The following LRP1B variants were observed in gnomAD, a reference collection of about 807,000 sequenced individuals.
LRP1B encodes LDL receptor related protein 1B.
In LRP1B, 217 loss-of-function variants were observed where a neutral mutation model predicts 556.6. The ratio of observed to expected loss-of-function variants is 0.39; its 90% CI spans 0.35 to 0.44. LRP1B has a LOEUF of 0.44. LRP1B is among the 20% of genes least tolerant of loss of function. The pLI is 1.00. For synonymous variants in LRP1B, 2,047 were observed against 1,865.8 expected, an observed-to-expected ratio of 1.10 and a Z score of -2.50; for missense variants, 5,053 against 5,620.8, an observed-to-expected ratio of 0.90 and a Z score of 3.23.
intron 32 of LRP1B, among the ~76,000 whole-genome samples, chr2:140,804,025 T>G (rs1402550436): frequency 6.6e-6 from 1 of 151,844 alleles, no homozygotes; most frequent in Non-Finnish European, 1.5e-5. Context: ...AACTTGAAGT[T>G]TCAGCTGCTT....
chr2:141,458,535 C>T (rs1052116128), intron 3 of LRP1B, among the ~76,000 whole-genome samples: 5 of 152,122 alleles, frequency 3.3e-5, no homozygotes, highest in African/African-American at 9.7e-5. Context: ...TAAGTGAATA[C>T]GGTACCTATC....
chr2:141,007,313 G>T (rs1697604606), intron 14 of LRP1B, among the ~76,000 whole-genome samples: 1 of 151,746 alleles, frequency 6.6e-6, no homozygotes, highest in African/African-American at 2.4e-5. Context: ...GGTTATCATT[G>T]AGTGCCCGTA....
intron 1 of LRP1B, among the ~76,000 whole-genome samples, chr2:141,912,560 C>T (rs997603139): frequency 5.3e-5 from 8 of 151,922 alleles, no homozygotes; most frequent in African/African-American, 1.2e-4. Context: ...GAAACTCAGG[C>T]GATGTGGGGA....
Position 141,579,858 on chromosome 2 carries a change from C to T in LRP1B, c.206-99325G>A, listed in dbSNP as rs370306328. Among the ~76,000 whole-genome samples the T allele has an allele frequency of 7.7e-3, 1,165 of 151,764 alleles. 7 individuals are homozygous for T. The highest frequency in any genetic ancestry group is 0.011 in the Non-Finnish European group (759 of 67,928). On this transcript the variant is annotated intron_variant, in intron 2 of 90. Coordinates refer to ENST00000389484, the MANE Select transcript of LRP1B (RefSeq NM_018557.3). ...GGGACTACAGGCACCCACCACCACA[C>T]CCGGCTAACTTTTTTGTATTTTTAG...
intron 27 of LRP1B, among the ~76,000 whole-genome samples, chr2:140,857,336 G>A (rs1404865657): frequency 6.6e-6 from 1 of 152,048 alleles, no homozygotes; most frequent in Non-Finnish European, 1.5e-5. Flanking sequence ...AACCTTATTT[G>A]TATGAGAACA....
chr2:141,840,055 T>C (rs377572417), intron 1 of LRP1B, among the ~76,000 whole-genome samples: 9 of 152,238 alleles, frequency 5.9e-5, no homozygotes, highest in African/African-American at 1.9e-4. Flanking sequence ...TTTAGTCCTC[T>C]CAGGTAGAGT....
At chr2:140,634,439 T>C (rs1003950581) in intron 41 of LRP1B, among the ~76,000 whole-genome samples, 12 of 152,072 alleles carry the variant, frequency 7.9e-5, no homozygotes, top group African/African-American at 2.9e-4. Flanking sequence ...TTCCGAATAA[T>C]TGATATAAAC....
At chr2:141,329,002 T>C (rs537047560) in intron 3 of LRP1B, among the ~76,000 whole-genome samples, 59 of 152,336 alleles carry the variant, frequency 3.9e-4, no homozygotes, top group African/African-American at 1.4e-3. Flanking sequence ...AAGGGTCATG[T>C]CAGCAATCTC....
intron 1 of LRP1B, among the ~76,000 whole-genome samples, chr2:142,031,330 A>ATTCTTTTTTTTTTTT (rs1553506159): frequency 8.5e-6 from 1 of 117,050 alleles, no homozygotes; most frequent in African/African-American, 2.9e-5. Flanking sequence ...GATTATACTT[A>ATTCTTTTTTTTTTTT]TTTTTTTTTT....
chr2:141,929,140 T>A (rs1358749602), intron 1 of LRP1B, among the ~76,000 whole-genome samples: 1 of 152,074 alleles, frequency 6.6e-6, no homozygotes, highest in African/African-American at 2.4e-5. Context: ...AAGGTAAGGA[T>A]AAACTATTTT....
chr2:141,756,689 T>A (rs967416639), intron 2 of LRP1B, among the ~76,000 whole-genome samples: 1 of 152,086 alleles, frequency 6.6e-6, no homozygotes, highest in Non-Finnish European at 1.5e-5. Context: ...TATTTAGACA[T>A]GTTCCCATAC....
At chr2:141,457,131 T>C (rs142694676) in intron 3 of LRP1B, among the ~76,000 whole-genome samples, 2 of 152,212 alleles carry the variant, frequency 1.3e-5, no homozygotes, top group East Asian at 1.9e-4. Context: ...TGGACAGAAG[T>C]AGGTGAATTC....
chr2:140,387,485 A>G (rs983131031), intron 66 of LRP1B, among the ~76,000 whole-genome samples: 3 of 152,290 alleles, frequency 2.0e-5, no homozygotes, highest in Admixed American at 1.3e-4. Context: ...CAATCTTACA[A>G]ATATATTAAA....
intron 1 of LRP1B, among the ~76,000 whole-genome samples, chr2:141,822,425 G>T (rs986820267): frequency 6.6e-6 from 1 of 152,018 alleles, no homozygotes; most frequent in Non-Finnish European, 1.5e-5. Flanking sequence ...CATCTCCCTC[G>T]TAAATGCAAA....
chr2:141,630,191 T>G (rs926356868), intron 2 of LRP1B, among the ~76,000 whole-genome samples: 1 of 152,002 alleles, frequency 6.6e-6, no homozygotes, highest in Non-Finnish European at 1.5e-5. Context: ...TCTCAAACCA[T>G]CACACACAGG....
intron 3 of LRP1B, among the ~76,000 whole-genome samples, chr2:141,391,509 A>G (rs1690049535): frequency 6.9e-6 from 1 of 144,434 alleles, no homozygotes; most frequent in African/African-American, 2.9e-5. Context: ...TAAGGTTGGA[A>G]AAAAAATTGT....
At chr2:140,798,561 G>C (rs914468050) in intron 32 of LRP1B, among the ~76,000 whole-genome samples, 1 of 152,134 alleles carries the variant, frequency 6.6e-6, no homozygotes, top group African/African-American at 2.4e-5. Flanking sequence ...ATGAAGGTTA[G>C]AAGGGGTATT....
intron 66 of LRP1B, among the ~76,000 whole-genome samples, chr2:140,418,695 G>T (rs12986741): frequency 0.07 from 10,600 of 151,830 alleles, 419 homozygotes; most frequent in Middle Eastern, 0.14. Context: ...TTATCTAGTT[G>T]CAGTAAAACA....
intron 3 of LRP1B, among the ~76,000 whole-genome samples, chr2:141,343,547 G>T (rs756582228): frequency 5.9e-5 from 9 of 152,142 alleles, no homozygotes; most frequent in Non-Finnish European, 1.3e-4. Flanking sequence ...ATTTAGAAAT[G>T]GGGTGAATCT....
Sources: allele counts gnomAD v4.1 joint callset (sites outside exome capture counted in the v4.1 genomes callset), GRCh38; gene constraint gnomAD v4.1.1; transcripts MANE v1.5; gene names NCBI Gene and HGNC (gene_info 2026-07-23, HGNC 2026-07-21).